ZBTB7C: variants seen among roughly 807,000 people sequenced by gnomAD.
ZBTB7C encodes the protein zinc finger and BTB domain-containing protein 7C.
Under a neutral mutation model 25.7 loss-of-function variants are expected in ZBTB7C, and 8 were observed. The observed-to-expected ratio is 0.31, with a 90% CI of 0.18 to 0.56. The LOEUF is 0.56. Among genes scored for constraint, ZBTB7C ranks in the 20% least tolerant of loss-of-function variants. The pLI, the probability that ZBTB7C is intolerant of heterozygous loss-of-function variation, is 0.91. For synonymous variants in ZBTB7C, 394 were observed against 369.0 expected, an observed-to-expected ratio of 1.07 and a Z score of -0.78; for missense variants, 824 against 855.2, an observed-to-expected ratio of 0.96 and a Z score of 0.46.
chr18:48,325,208 C>T (rs1480471245), intron 2 of ZBTB7C, among the ~76,000 whole-genome samples: 1 of 152,132 alleles, frequency 6.6e-6, no homozygotes, highest in East Asian at 1.9e-4. Context: ...TGGACAAGCA[C>T]AGATAGAAAA....
chr18:48,291,236 A>G (rs903295919), intron 2 of ZBTB7C, among the ~76,000 whole-genome samples: 7 of 152,176 alleles, frequency 4.6e-5, no homozygotes, highest in Non-Finnish European at 7.3e-5. Context: ...TGGGCTTCCC[A>G]TCCCAGGCCT....
Position 48,396,007 on chromosome 18 carries a change from A to G in ZBTB7C, c.-304+13219T>C, listed in dbSNP as rs567620732. On this transcript the variant is annotated intron_variant, in intron 1 of 4. Coordinates refer to ENST00000590800, the MANE Select transcript of ZBTB7C (RefSeq NM_001318841.2). ...AATCTGTCACAAGAAATTCCAGCAA[A>G]GCAACGGGGGTAGAACACAGGATGA... 1.1e-4 allele frequency among the ~76,000 whole-genome samples: 16 copies of G among 152,352 alleles called. 1 individual carries two copies. The highest frequency in any genetic ancestry group is 3.6e-4 in the African/African-American group (15 of 41,576).
chr18:48,134,004 A>G (rs2040068900), intron 3 of ZBTB7C, among the ~76,000 whole-genome samples: 1 of 152,068 alleles, frequency 6.6e-6, no homozygotes, highest in Non-Finnish European at 1.5e-5. Flanking sequence ...CAAGCTGATA[A>G]TCTCAATATT....
intron 2 of ZBTB7C, among the ~76,000 whole-genome samples, chr18:48,258,704 C>T (rs551034012): frequency 6.6e-6 from 1 of 152,218 alleles, no homozygotes; most frequent in East Asian, 1.9e-4. Context: ...GTCACCCAGG[C>T]TAGAGTGCAA....
chr18:48,095,037 T>A (rs960859736), intron 3 of ZBTB7C, among the ~76,000 whole-genome samples: 2 of 152,194 alleles, frequency 1.3e-5, no homozygotes, highest in African/African-American at 2.4e-5. Flanking sequence ...CTTCTCACTC[T>A]GGGGCAGCTG....
At chr18:48,227,851 CCTT>C (rs1320557111) in intron 2 of ZBTB7C, among the ~76,000 whole-genome samples, 2 of 152,156 alleles carry the variant, frequency 1.3e-5, no homozygotes, top group Non-Finnish European at 2.9e-5. Flanking sequence ...CTTGTCCTCT[CCTT>C]CTCTCCCTCT....
At chr18:48,088,868 G>A (rs979562072) in intron 3 of ZBTB7C, among the ~76,000 whole-genome samples, 9 of 152,014 alleles carry the variant, frequency 5.9e-5, no homozygotes, top group African/African-American at 2.2e-4. Context: ...GAAATTATGG[G>A]TGTGGACTTG....
intron 2 of ZBTB7C, among the ~76,000 whole-genome samples, chr18:48,240,758 C>A (rs2043501596): frequency 6.6e-6 from 1 of 152,134 alleles, no homozygotes; most frequent in Non-Finnish European, 1.5e-5. Context: ...AAGCATAAAT[C>A]TCAGGGTCTA....
chr18:48,184,755 A>G (rs1247856083), intron 3 of ZBTB7C, among the ~76,000 whole-genome samples: 1 of 151,990 alleles, frequency 6.6e-6, no homozygotes, highest in Non-Finnish European at 1.5e-5. Flanking sequence ...GGAGCTCAAG[A>G]TGTGGCCCCA....
At chr18:48,160,087 A>T (rs62087434) in intron 3 of ZBTB7C, among the ~76,000 whole-genome samples, 3,105 of 152,178 alleles carry the variant, frequency 0.02, 112 homozygotes, top group African/African-American at 0.071. Context: ...ACCCACCTCC[A>T]GACCCACAGT....
chr18:48,256,477 C>CAA (rs35449001), intron 2 of ZBTB7C, among the ~76,000 whole-genome samples: 14,051 of 131,274 alleles, frequency 0.11, 808 homozygotes, highest in African/African-American at 0.14. Context: ...TACAAAAGCT[C>CAA]AAAAAAAAAA....
At chr18:48,176,616 CGT>C (rs10533963) in intron 3 of ZBTB7C, among the ~76,000 whole-genome samples, 24,540 of 149,678 alleles carry the variant, frequency 0.16, 2,329 homozygotes, top group Admixed American at 0.25. Flanking sequence ...AGGAAATACA[CGT>C]GTGTGTGTGT....
At chr18:48,184,837 CTCTCTG>C (rs1033629864) in intron 3 of ZBTB7C, among the ~76,000 whole-genome samples, 16 of 152,064 alleles carry the variant, frequency 1.1e-4, no homozygotes, top group South Asian at 4.2e-4. Flanking sequence ...CTCTCTCTCT[CTCTCTG>C]TCTTTCTCAT....
At chr18:48,285,774 T>C (rs1334993175) in intron 2 of ZBTB7C, among the ~76,000 whole-genome samples, 2 of 152,244 alleles carry the variant, frequency 1.3e-5, no homozygotes, top group African/African-American at 4.8e-5. Flanking sequence ...GAGAGTTTTA[T>C]CTGTTTTGGT....
intron 3 of ZBTB7C, among the ~76,000 whole-genome samples, chr18:48,084,805 C>G (rs574098815): frequency 1.3e-5 from 2 of 152,288 alleles, no homozygotes; most frequent in African/African-American, 4.8e-5. Context: ...AAGGCAGAGA[C>G]AGAAATGGTG....
At chr18:48,086,067 T>C (rs1598850975) in intron 3 of ZBTB7C, among the ~76,000 whole-genome samples, 2 of 152,326 alleles carry the variant, frequency 1.3e-5, no homozygotes, top group East Asian at 3.9e-4. Context: ...TCTTGTTCAA[T>C]CACCTTTGAC....
intron 2 of ZBTB7C, among the ~76,000 whole-genome samples, chr18:48,206,134 C>A (rs561665078): frequency 6.6e-6 from 1 of 152,208 alleles, no homozygotes; most frequent in South Asian, 2.1e-4. Flanking sequence ...ACCTATAATA[C>A]CCAGGTCAAT....
chr18:48,396,113 C>T (rs148011989), intron 1 of ZBTB7C, among the ~76,000 whole-genome samples: 1 of 152,154 alleles, frequency 6.6e-6, no homozygotes, highest in Non-Finnish European at 1.5e-5. Flanking sequence ...TCCCTACCCC[C>T]CTCTCAAAGC....
At chr18:48,107,387 G>C (rs1053837270) in intron 3 of ZBTB7C, among the ~76,000 whole-genome samples, 3 of 151,616 alleles carry the variant, frequency 2.0e-5, no homozygotes, top group Non-Finnish European at 4.4e-5. Context: ...GGAGAGGTGG[G>C]AGAAGGGCCC....
Sources: gnomAD v4.1 joint callset for allele counts (sites outside exome capture counted in the v4.1 genomes callset) on GRCh38, gnomAD v4.1.1 for gene constraint, MANE v1.5 for transcripts, NCBI Gene and HGNC (gene_info 2026-07-23, HGNC 2026-07-21) for gene names.